The following GNG7 variants were observed in gnomAD, a reference collection of about 807,000 sequenced individuals.
The protein encoded by GNG7 is G protein subunit gamma 7.
Under a neutral mutation model 4.0 loss-of-function variants are expected in GNG7, and 1 was observed. The ratio of observed to expected loss-of-function variants is 0.25; its 90% confidence interval spans 0.09 to 1.18. The LOEUF (loss-of-function observed/expected upper bound fraction) is 1.18. Among genes scored for constraint, GNG7 ranks in the 50% most tolerant of loss-of-function variants. The pLI is 0.50. For missense variants in GNG7, 86 were observed against 91.9 expected (o/e 0.94, Z 0.26); for synonymous variants, 34 against 36.9 (o/e 0.92, Z 0.29).
chr19:2,621,138 C>T (rs1172383701), intron 2 of GNG7, among the ~76,000 whole-genome samples: 1 of 152,132 alleles, frequency 6.6e-6, no homozygotes, highest in African/African-American at 2.4e-5. Context: ...AAGCTCACTT[C>T]CCTTGCAAGG....
chr19:2,547,891 C>G (rs765820552), intron 3 of GNG7, among the ~76,000 whole-genome samples: 1 of 152,332 alleles, frequency 6.6e-6, no homozygotes, highest in East Asian at 1.9e-4. Context: ...CATGGGCACA[C>G]GTGGCCTGGT....
intron 3 of GNG7, among the ~76,000 whole-genome samples, chr19:2,525,970 A>ATTTTTTTTTTTTTTTT (rs1568231777): frequency 7.5e-5 from 2 of 26,782 alleles, no homozygotes; most frequent in African/African-American, 5.8e-4. Flanking sequence ...CCTCCACGCC[A>ATTTTTTTTTTTTTTTT]ATTTTTTTTT....
At chr19:2,572,797 A>C (rs1448737589) in intron 2 of GNG7, among the ~76,000 whole-genome samples, 1 of 149,642 alleles carries the variant, frequency 6.7e-6, no homozygotes, top group Non-Finnish European at 1.5e-5. Flanking sequence ...GGGTCTCACT[A>C]TATTGCCCAG....
intron 2 of GNG7, among the ~76,000 whole-genome samples, chr19:2,621,172 T>C (rs1410188010): frequency 6.6e-6 from 1 of 152,108 alleles, no homozygotes; most frequent in Non-Finnish European, 1.5e-5. Flanking sequence ...CCCTTCAAAA[T>C]TCTTGTCCAC....
At chr19:2,595,055 G>C (rs1980973280) in intron 2 of GNG7, 1 of 151,948 alleles carries the variant, frequency 6.6e-6, no homozygotes, top group Non-Finnish European at 1.5e-5. Context: ...AGGTGGTCAA[G>C]GTTGCAGTGA....
intron 2 of GNG7, among the ~76,000 whole-genome samples, chr19:2,637,873 C>T (rs1295250128): frequency 6.6e-6 from 1 of 152,206 alleles, no homozygotes; most frequent in Non-Finnish European, 1.5e-5. Context: ...TTCCACGGAC[C>T]CCCAAGAGAC....
intron 2 of GNG7, among the ~76,000 whole-genome samples, chr19:2,560,205 T>C (rs561164902): frequency 3.3e-5 from 5 of 152,008 alleles, no homozygotes; most frequent in Admixed American, 6.6e-5. Context: ...AGCCGGCGAA[T>C]TCGCAAATAC....
At chr19:2,565,072 C>T (rs1275759803) in intron 2 of GNG7, among the ~76,000 whole-genome samples, 1 of 152,146 alleles carries the variant, frequency 6.6e-6, no homozygotes, top group African/African-American at 2.4e-5. Context: ...CGCTAAGCTT[C>T]TGTGTCTCCC....
intron 4 of GNG7, among the ~76,000 whole-genome samples, chr19:2,519,415 C>T (rs1426628040): frequency 6.6e-6 from 1 of 151,856 alleles, no homozygotes; most frequent in Non-Finnish European, 1.5e-5. Flanking sequence ...CTCAGCTTCC[C>T]AAAGTGCTGG....
chr19:2,615,452 CG>C (rs1264022297), intron 2 of GNG7, among the ~76,000 whole-genome samples: 2 of 133,730 alleles, frequency 1.5e-5, no homozygotes, highest in Middle Eastern at 3.9e-3. Context: ...TTGTCTTTTC[CG>C]GTTTTTTTTT....
chr19:2,597,882 T>G (rs1269249907), intron 2 of GNG7, among the ~76,000 whole-genome samples: 2 of 131,414 alleles, frequency 1.5e-5, no homozygotes, highest in African/African-American at 3.0e-5. Context: ...GGCAACAGAG[T>G]GAGACTCTGT....
rs905226787 is a variant in GNG7 at position 2,633,090 on chromosome 19, C to A, written c.-78+13134G>T. Among the ~76,000 whole-genome samples, 3 of 152,246 alleles carry A rather than the reference C, an allele frequency of 2.0e-5. No homozygotes were observed. Among genetic ancestry groups the A allele is most frequent in the African/African-American group, 7.2e-5 (3 of 41,474 alleles). ...CATCCCCAGGCGGCACCGGGAGTGTCTGCGCAGAGATCCGAGGGTGTTAGC... is the reference window on the plus strand; with the variant it reads ...CATCCCCAGGCGGCACCGGGAGTGTATGCGCAGAGATCCGAGGGTGTTAGC... On this transcript the variant is annotated intron_variant, in intron 2 of 4. Transcript: ENST00000382159. The surrounding 1 kb of genome is among the most constrained non-coding windows in gnomAD (Gnocchi z 5.9).
At chr19:2,675,134 C>T (rs547690762) in intron 1 of GNG7, among the ~76,000 whole-genome samples, 3 of 152,302 alleles carry the variant, frequency 2.0e-5, no homozygotes, top group East Asian at 3.9e-4. Context: ...TCCGCAACGG[C>T]GCCAAGCACT....
intron 3 of GNG7, among the ~76,000 whole-genome samples, chr19:2,527,537 G>A (rs116281930): frequency 6.6e-6 from 1 of 152,228 alleles, no homozygotes; most frequent in African/African-American, 2.4e-5. Context: ...CCAAAACTGC[G>A]ACAAAATTGA....
intron 1 of GNG7, among the ~76,000 whole-genome samples, chr19:2,698,871 A>G (rs1369479324): frequency 6.6e-6 from 1 of 152,208 alleles, no homozygotes; most frequent in East Asian, 1.9e-4. Context: ...TTGCCTTCAA[A>G]CAGTGGGGCC....
chr19:2,569,656 G>T (rs1285225267), intron 2 of GNG7, among the ~76,000 whole-genome samples: 1 of 152,192 alleles, frequency 6.6e-6, no homozygotes, highest in Non-Finnish European at 1.5e-5. Flanking sequence ...TCTTAGCACT[G>T]TGGACACTGT....
At chr19:2,667,872 A>G (rs1242314866) in intron 1 of GNG7, among the ~76,000 whole-genome samples, 1 of 152,114 alleles carries the variant, frequency 6.6e-6, no homozygotes, top group Non-Finnish European at 1.5e-5. Flanking sequence ...CCGAGATTGC[A>G]CCACTGTACT....
intron 2 of GNG7, chr19:2,642,548 T>C (rs918787763): frequency 5.7e-6 from 2 of 351,746 alleles, no homozygotes; most frequent in African/African-American, 4.3e-5. Flanking sequence ...GTATTTTTTG[T>C]AGAGATGGGG....
chr19:2,684,242 T>G (rs1486213013), intron 1 of GNG7, among the ~76,000 whole-genome samples: 1 of 150,582 alleles, frequency 6.6e-6, no homozygotes, highest in African/African-American at 2.5e-5. Flanking sequence ...GTTCAAGCAA[T>G]TCTCCTGCCT....
Sources: allele counts gnomAD v4.1 joint callset (sites outside exome capture counted in the v4.1 genomes callset), GRCh38; gene constraint gnomAD v4.1.1; non-coding constraint Gnocchi (gnomAD v3.1); transcripts MANE v1.5; gene names NCBI Gene and HGNC (gene_info 2026-07-23, HGNC 2026-07-21).